Variants in S100PBP observed in about 807,000 individuals in gnomAD.
S100PBP encodes S100P-binding protein.
S100PBP carries 15 observed loss-of-function variants against 39.9 expected under a neutral mutation model. That is an observed-to-expected ratio of 0.38 (90% CI 0.25 to 0.58). S100PBP has a LOEUF of 0.58. S100PBP is among the 20% of genes least tolerant of loss of function. The probability of loss-of-function intolerance (pLI) is 0.70; values close to 1 mark genes in which losing one functional copy is unlikely to be tolerated. For synonymous variants in S100PBP, 178 were observed against 180.3 expected (o/e 0.99, Z 0.10); for missense variants, 504 against 487.3 (o/e 1.03, Z -0.32).
intron 1 of S100PBP, among the ~76,000 whole-genome samples, chr1:32,820,100 A>G (rs1396121300): frequency 6.6e-6 from 1 of 150,658 alleles, no homozygotes; most frequent in Non-Finnish European, 1.5e-5. Context: ...GTCTAGGGGA[A>G]ATTCCCTACC....
At chr1:32,851,582 C>T (rs562365640) in intron 5 of S100PBP, among the ~76,000 whole-genome samples, 12 of 152,210 alleles carry the variant, frequency 7.9e-5, no homozygotes, top group African/African-American at 2.9e-4. Flanking sequence ...AGGAGAATCA[C>T]TTGAACCCGG....
intron 6 of S100PBP, 49 bp from the exon 7 acceptor site, chr1:32,855,875 C>T: frequency 8.2e-7 from 1 of 1,216,776 alleles, no homozygotes; most frequent in Non-Finnish European, 1.2e-6. Flanking sequence ...TACAAATAGC[C>T]ATTCTAGTTG....
At chr1:32,821,628 T>TTTTC (rs1232152218) in intron 1 of S100PBP, among the ~76,000 whole-genome samples, 2 of 147,372 alleles carry the variant, frequency 1.4e-5, no homozygotes, top group East Asian at 2.0e-4. Context: ...CCTGTTTCTT[T>TTTTC]TTTCTTTCTT....
intron 5 of S100PBP, chr1:32,837,089 C>T (rs1557497969): frequency 1.0e-5 from 1 of 97,434 alleles, no homozygotes; most frequent in Non-Finnish European, 2.0e-5. Context: ...AAAAAACATA[C>T]AAAAATTAGC....
intron 5 of S100PBP, among the ~76,000 whole-genome samples, chr1:32,842,248 C>T (rs1436651725): frequency 5.8e-5 from 8 of 138,666 alleles, no homozygotes; most frequent in East Asian, 2.1e-4. Context: ...CACACACACA[C>T]ACACACACAC....
At chr1:32,816,805 A>G (rs1433313483), upstream of S100PBP, 5 of 324,402 alleles carry the variant, frequency 1.5e-5, no homozygotes, top group Non-Finnish European at 3.0e-5. Context: ...AGCATCTTCC[A>G]GTACTTACTT....
At chr1:32,840,484 G>A (rs932173030) in intron 5 of S100PBP, among the ~76,000 whole-genome samples, 1 of 151,526 alleles carries the variant, frequency 6.6e-6, no homozygotes, top group African/African-American at 2.4e-5. Flanking sequence ...AGTCTCCCAA[G>A]TAGCTGGGAT....
At position 32,826,107 on chromosome 1, in the gene S100PBP, G is replaced by C; in HGVS notation, c.8G>C (p.Cys3Ser). MM[C>S]SRVPSEQSSG... Reference sequence around the variant, plus strand: ...TCTCTTATTTCTCCAGAAATGATGTGCTCACGGGTGCCCTCTGAACAGTCT... The same window carrying C: ...TCTCTTATTTCTCCAGAAATGATGTCCTCACGGGTGCCCTCTGAACAGTCT... The change falls in exon 3 of 7, where the codon TGC (cysteine) becomes TCC (serine). Residue 3 changes from cysteine (C) to serine (S), a missense_variant. Cys to Ser is a moderately radical substitution (Grantham distance 112). Transcript: ENST00000373475. 1 of 1,606,968 alleles carries C rather than the reference G, an allele frequency of 6.2e-7. No individual in the cohort carries two copies. The highest frequency in any genetic ancestry group is 8.5e-7 in the Non-Finnish European group (1 of 1,176,370).
intron 5 of S100PBP, among the ~76,000 whole-genome samples, chr1:32,841,729 C>CAAAA (rs56267418): frequency 7.3e-5 from 4 of 55,168 alleles, no homozygotes; most frequent in Non-Finnish European, 1.5e-4. Context: ...AACTCTGTCT[C>CAAAA]AAAAAAAAAA....
upstream of S100PBP, chr1:32,817,261 C>A: frequency 1.2e-6 from 2 of 1,613,866 alleles, no homozygotes; most frequent in Non-Finnish European, 1.7e-6. Context: ...GCTACCCCTG[C>A]TTCCCCCGCT....
Position 32,856,450 on chromosome 1 carries a change from C to T in S100PBP, c.*412C>T, listed in dbSNP as rs1640822490. 1 of 156,474 alleles carries T rather than the reference C, an allele frequency of 6.4e-6. No homozygotes were observed. The highest frequency in any genetic ancestry group is 2.4e-5 in the African/African-American group (1 of 41,438). 9.7% of individuals were successfully genotyped at this position (156,474 alleles called of 1,614,324 possible). ...CTTCCATAAGGAAGAGATTCTTTAC[C>T]AGGCTGTGAGCCAGTGTTAGATAAC... On this transcript the variant is annotated 3_prime_UTR_variant, in exon 7 of 7. Transcript: ENST00000373475.
intron 5 of S100PBP, among the ~76,000 whole-genome samples, chr1:32,838,184 A>G (rs1273141818): frequency 2.0e-5 from 3 of 151,998 alleles, no homozygotes; most frequent in Non-Finnish European, 4.4e-5. Context: ...TACTAAAAAT[A>G]CAAAAAATTA....
chr1:32,828,837 C>G (rs2148649927), intron 4 of S100PBP, among the ~76,000 whole-genome samples: 1 of 152,092 alleles, frequency 6.6e-6, no homozygotes, highest in Middle Eastern at 3.4e-3. Flanking sequence ...GCCACCTCTA[C>G]TAAAAATACA....
intron 5 of S100PBP, among the ~76,000 whole-genome samples, chr1:32,845,136 T>C (rs1001700092): frequency 1.3e-5 from 2 of 152,156 alleles, no homozygotes; most frequent in African/African-American, 2.4e-5. Context: ...GCCATTCTCC[T>C]GCGTCAGCCT....
Position 32,843,611 on chromosome 1 carries a change from A to G in S100PBP, c.1025-9468A>G, listed in dbSNP as rs529174752. 1.7e-3 allele frequency among the ~76,000 whole-genome samples: 255 copies of G among 152,106 alleles called. 3 individuals carry two copies. Among genetic ancestry groups the G allele is most frequent in the Non-Finnish European group, 1.6e-3 (110 of 67,982 alleles). On this transcript the variant is annotated intron_variant, in intron 5 of 6. Transcript: ENST00000373475. The stretch of plus-strand genomic sequence containing the variant: ...TGGGATTACAGGCATGTGCCACTGT[A>G]TCTGGCTAATTTTGTACTTTTAGTA...
intron 5 of S100PBP, among the ~76,000 whole-genome samples, chr1:32,846,572 T>C (rs1290012197): frequency 6.6e-6 from 1 of 151,968 alleles, no homozygotes; most frequent in Non-Finnish European, 1.5e-5. Flanking sequence ...TTACTGCCTA[T>C]ACCTCTTTGT....
At position 32,828,021 on chromosome 1, in the gene S100PBP, A is replaced by G. The variant is rs1373544614; in HGVS notation, c.860A>G (p.Lys287Arg). The G allele has an allele frequency of 1.2e-6, 2 of 1,611,762 alleles. No individual in the cohort carries two copies. Among genetic ancestry groups the G allele is most frequent in the Admixed American group, 1.7e-5 (1 of 59,922 alleles). The change falls in exon 4 of 7, where the codon AAG becomes AGG. Residue 287 changes from lysine to arginine, a missense_variant. Lys to Arg is a conservative substitution (Grantham distance 26). Transcript: ENST00000373475. ...KQDVLNKDSG[K>R]MKGHERRLGK... ...GATGTTCTTAACAAGGATTCTGGGA[A>G]GATGAAAGGCCATGAGAGAAGACTA...
chr1:32,816,566 A>T (rs993176218), upstream of S100PBP, among the ~76,000 whole-genome samples: 1 of 152,078 alleles, frequency 6.6e-6, no homozygotes, highest in Non-Finnish European at 1.5e-5. Flanking sequence ...AACTTTGCTC[A>T]CTCCACTCCA....
chr1:32,817,784 G>A (rs2148622143), intron 1 of S100PBP, 95 bp downstream of exon 1: 1 of 178,248 alleles, frequency 5.6e-6, no homozygotes, highest in Non-Finnish European at 1.2e-5. Context: ...CACGCCGTCC[G>A]CCCCTTGGAG....
Sources: gnomAD v4.1 joint callset for allele counts (sites outside exome capture counted in the v4.1 genomes callset) on GRCh38, gnomAD v4.1.1 for gene constraint, MANE v1.5 for transcripts, NCBI Gene and HGNC (gene_info 2026-07-23, HGNC 2026-07-21) for gene names.